The following DLGAP3 variants were observed in gnomAD, a reference collection of about 807,000 sequenced individuals.
DLGAP3 encodes the protein disks large-associated protein 3.
DLGAP3 carries 17 observed loss-of-function variants against 81.2 expected under a neutral mutation model. The ratio of observed to expected loss-of-function variants is 0.21; its 90% CI spans 0.14 to 0.31. DLGAP3 has a LOEUF of 0.31. Among genes scored for constraint, DLGAP3 ranks in the 10% least tolerant of loss-of-function variants. The pLI is 1.00. For missense variants in DLGAP3, 1,124 were observed against 1,388.0 expected (o/e 0.81, Z 3.02); for synonymous variants, 577 against 587.4 (o/e 0.98, Z 0.26).
At chr1:34,885,941 C>A in intron 6 of DLGAP3, 131 bp downstream of exon 6, 1 of 1,168,260 alleles carries the variant, frequency 8.6e-7, no homozygotes, top group Non-Finnish European at 1.2e-6. Context: ...CCAACGGACG[C>A]TCTCCCCGTC....
intron 8 of DLGAP3, among the ~76,000 whole-genome samples, chr1:34,882,463 A>G (rs950471316): frequency 6.6e-6 from 1 of 152,188 alleles, no homozygotes; most frequent in African/African-American, 2.4e-5. Context: ...GGACGACAAG[A>G]GCAAAATGCC....
chr1:34,887,542 G>A (rs981653958), intron 5 of DLGAP3, among the ~76,000 whole-genome samples: 1 of 152,180 alleles, frequency 6.6e-6, no homozygotes, highest in Non-Finnish European at 1.5e-5. Flanking sequence ...GAGAGAACTG[G>A]TGCAAAGAAA....
At chr1:34,894,577 A>T (rs1426107466) in intron 5 of DLGAP3, among the ~76,000 whole-genome samples, 1 of 152,256 alleles carries the variant, frequency 6.6e-6, no homozygotes, top group Non-Finnish European at 1.5e-5. Flanking sequence ...CAGATGACAA[A>T]AGAATATCTT....
intron 8 of DLGAP3, among the ~76,000 whole-genome samples, chr1:34,881,536 G>A (rs568291277): frequency 6.6e-6 from 1 of 152,196 alleles, no homozygotes; most frequent in Non-Finnish European, 1.5e-5. Context: ...CCCTAGACAT[G>A]AAGTGATGTA....
At chr1:34,903,918 G>C (rs1639501877) in intron 3 of DLGAP3, among the ~76,000 whole-genome samples, 1 of 152,208 alleles carries the variant, frequency 6.6e-6, no homozygotes. Context: ...CTTCAATCTT[G>C]AGAGCAGCTA....
At chr1:34,899,763 G>A (rs1304489111) in intron 4 of DLGAP3, 22 bp from the exon 5 acceptor site, 1 of 1,611,152 alleles carries the variant, frequency 6.2e-7, no homozygotes, top group Admixed American at 1.7e-5. Context: ...CAAAATTCCG[G>A]AGTCAGAACA....
Position 34,904,514 on chromosome 1 carries a change from C to T in DLGAP3, c.870G>A (p.Glu290=). The change falls in exon 3 of 12, where the codon GAG becomes GAA. Residue 290 remains glutamate (E), a synonymous_variant. Coordinates refer to ENST00000373347, the MANE Select transcript of DLGAP3 (RefSeq NM_001080418.3). This position sits in a 1 kb window ranked among gnomAD's most constrained non-coding sequence, Gnocchi z 8.1. ...PGEPGGPFCL[E]GPDGSYRDLS... ...AGTCCCGGTAGGACCCATCTGGACC[C>T]TCCAGGCAGAAGGGACCACCAGGCT... is the stretch of plus-strand genomic sequence containing the variant. 1 of 1,614,212 alleles carries T rather than the reference C, an allele frequency of 6.2e-7. No homozygotes were observed. The highest frequency in any genetic ancestry group is 1.1e-5 in the South Asian group (1 of 91,088).
rs764347262 is a variant in DLGAP3, at chr1:34,905,200, G to T, written c.184C>A (p.Pro62Thr). Residue 62 changes from proline (P) to threonine (T), a missense_variant, in exon 3 of 12, where the codon CCC becomes ACC. By Grantham distance (38) the Pro-to-Thr change is conservative (BLOSUM62 -1). Coordinates refer to ENST00000373347, the MANE Select transcript of DLGAP3 (RefSeq NM_001080418.3). ...GACGGCCCCTCACTCAGGCTCAGGG[G>T]CCCTTCAGGAGAAATGTGTCCCAGG... ...AGLGHISPEG[P>T]LSLSEGPSVG... 2.5e-6 allele frequency: 4 copies of T among 1,590,608 alleles called. No individual in the cohort carries two copies. Among genetic ancestry groups the T allele is most frequent in the Non-Finnish European group, 8.6e-7 (1 of 1,168,862 alleles).
chr1:34,928,571 T>G (rs35040123), intron 1 of DLGAP3, among the ~76,000 whole-genome samples: 27,583 of 151,882 alleles, frequency 0.18, 4,999 homozygotes, highest in African/African-American at 0.47. Context: ...CCCAGAGAAG[T>G]GGGGAATGAT....
At chr1:34,922,639 T>C (rs1469705486) in intron 1 of DLGAP3, among the ~76,000 whole-genome samples, 2 of 152,116 alleles carry the variant, frequency 1.3e-5, no homozygotes, top group African/African-American at 4.8e-5. Context: ...CATCCACACT[T>C]ATACAAATAG....
rs769786045 is a variant in DLGAP3, at chr1:34,900,294, G to C, written c.1108-21C>G. ...GGCACCTGCAGGAACAGGGGTCTCT[G>C]TCTCTCAGACATGACCCTAGTAAAT... On this transcript the variant is annotated intron_variant, in intron 3 of 11. Coordinates refer to ENST00000373347, the MANE Select transcript of DLGAP3 (RefSeq NM_001080418.3). The surrounding 1 kb of genome is among the most constrained non-coding windows in gnomAD (Gnocchi z 5.6). 7.5e-6 allele frequency: 12 copies of C among 1,608,556 alleles called. No homozygotes were observed. The highest frequency in any genetic ancestry group is 1.0e-5 in the Non-Finnish European group (12 of 1,175,918).
rs1243419846 is a variant in DLGAP3 at position 34,902,893 on chromosome 1, GA to G, written c.1107+1383del. Among the ~76,000 whole-genome samples, 1 of 152,142 alleles carries G rather than the reference GA, an allele frequency of 6.6e-6. No individual in the cohort carries two copies. The highest frequency in any genetic ancestry group is 1.9e-4 in the East Asian group (1 of 5,180). ...GGATGGCAAGGAATCGGCTATGGGGGAGAAAGGATGGGTGCTGCCTCCCTGC... is the reference window on the plus strand; with the variant it reads ...GGATGGCAAGGAATCGGCTATGGGGGGAAAGGATGGGTGCTGCCTCCCTGC... On this transcript the variant is annotated intron_variant, in intron 3 of 11. Coordinates refer to ENST00000373347, the MANE Select transcript of DLGAP3 (RefSeq NM_001080418.3). The surrounding 1 kb of genome is among the most constrained non-coding windows in gnomAD (Gnocchi z 4.4).
Position 34,900,470 on chromosome 1 carries a change from A to T in DLGAP3, c.1108-197T>A, listed in dbSNP as rs895112504. On this transcript the variant is annotated intron_variant, in intron 3 of 11. Transcript: ENST00000373347. This position sits in a 1 kb window ranked among gnomAD's most constrained non-coding sequence, Gnocchi z 5.6. Reference sequence around the variant, plus strand: ...AGAGACACCTCGTCATCCTCCACAGACCTTCTGCACTTAATTAAGGGCCAC... The same window carrying T: ...AGAGACACCTCGTCATCCTCCACAGTCCTTCTGCACTTAATTAAGGGCCAC... 6.6e-6 allele frequency among the ~76,000 whole-genome samples: 1 copy of T among 152,118 alleles called. No homozygotes were observed. Among genetic ancestry groups the T allele is most frequent in the Non-Finnish European group, 1.5e-5 (1 of 68,006 alleles).
chr1:34,872,717 G>T (rs984942227), intron 8 of DLGAP3, among the ~76,000 whole-genome samples: 1 of 152,164 alleles, frequency 6.6e-6, no homozygotes, highest in African/African-American at 2.4e-5. Context: ...ACAGAATCAA[G>T]GTTGGAATAA....
intron 3 of DLGAP3, among the ~76,000 whole-genome samples, chr1:34,901,420 C>T (rs1263757534): frequency 1.3e-5 from 2 of 152,120 alleles, no homozygotes; most frequent in Non-Finnish European, 1.5e-5. Flanking sequence ...TGCCACAGTG[C>T]GTTCAGAGGT....
rs1436144970 is a variant in DLGAP3, at chr1:34,873,614, G to A, written c.2001-4525C>T. Among the ~76,000 whole-genome samples, 2 of 152,182 alleles carry A rather than the reference G, an allele frequency of 1.3e-5. No homozygotes were observed. Among genetic ancestry groups the A allele is most frequent in the East Asian group, 3.8e-4 (2 of 5,206 alleles). ...CTCTCACTGAAAAGAGAGGGAGCTGGACAAACACAATCATCGGAATGTAGC... is the reference window on the plus strand; with the variant it reads ...CTCTCACTGAAAAGAGAGGGAGCTGAACAAACACAATCATCGGAATGTAGC... On this transcript the variant is annotated intron_variant, in intron 8 of 11. Transcript: ENST00000373347. This position sits in a 1 kb window ranked among gnomAD's most constrained non-coding sequence, Gnocchi z 4.2.
Position 34,867,105 on chromosome 1 carries a change from G to A in DLGAP3, c.2664C>T (p.Leu888=). The A allele has an allele frequency of 1.9e-6, 3 of 1,614,196 alleles. No homozygotes were observed. Among genetic ancestry groups the A allele is most frequent in the East Asian group, 2.2e-5 (1 of 44,884 alleles). ...TGAGTTGCTGTAGCTCCAGGAACTT[G>A]AGGGTCACATCCTCGATGGAGAGCT... is the stretch of plus-strand genomic sequence containing the variant. ...LLQLSIEDVT[L]KFLELQQLKA... Residue 888 remains leucine, a synonymous_variant, in exon 11 of 12, where the codon CTC becomes CTT. Coordinates refer to ENST00000373347, the MANE Select transcript of DLGAP3 (RefSeq NM_001080418.3). This position sits in a 1 kb window ranked among gnomAD's most constrained non-coding sequence, Gnocchi z 4.3.
Position 34,885,793 on chromosome 1 carries a change from T to C in DLGAP3, c.1601-2A>G. The C allele has an allele frequency of 7.1e-7, 1 of 1,407,576 alleles. No homozygotes were observed. Among genetic ancestry groups the C allele is most frequent in the Non-Finnish European group, 9.2e-7 (1 of 1,087,418 alleles). The allele number at this position is 1,407,576 out of a possible 1,614,324, so 87.2% of individuals were successfully genotyped here. A position where few individuals can be genotyped will look rare whatever the true frequency, so the allele number is the denominator to read the frequency against. On this transcript the variant is annotated splice_acceptor_variant, in intron 6 of 11. Transcript: ENST00000373347. LOFTEE classifies it high-confidence loss of function. ...GCGGGGCCTTTCTGAAGTTGAAGGC[T>C]GTGGCCGGCGAGCGCAGAGACGCAG...
intron 1 of DLGAP3, among the ~76,000 whole-genome samples, chr1:34,921,013 T>C (rs1315019082): frequency 2.6e-5 from 4 of 152,182 alleles, no homozygotes; most frequent in African/African-American, 9.6e-5. Flanking sequence ...AAGACTCGGA[T>C]ACAGTGAGGA....
Sources: allele counts gnomAD v4.1 joint callset (sites outside exome capture counted in the v4.1 genomes callset), GRCh38; gene constraint gnomAD v4.1.1; non-coding constraint Gnocchi (gnomAD v3.1); transcripts MANE v1.5; gene names NCBI Gene and HGNC (gene_info 2026-07-23, HGNC 2026-07-21).